The following TAL1 variants were observed in gnomAD, a reference collection of about 807,000 sequenced individuals.
TAL1 encodes T-cell acute lymphocytic leukemia protein 1.
A neutral mutation model predicts 17.9 loss-of-function variants in TAL1; 8 were observed. That is an observed-to-expected ratio of 0.45 (90% confidence interval 0.26 to 0.81). TAL1 has a LOEUF of 0.81. Ranked by LOEUF, TAL1 falls within the 30% of genes least tolerant of loss-of-function variation. The probability of loss-of-function intolerance (pLI) is 0.17; values close to 1 mark genes in which losing one functional copy is unlikely to be tolerated. For synonymous variants in TAL1, 223 were observed against 218.6 expected (o/e 1.02, Z -0.18); for missense variants, 466 against 486.9 (o/e 0.96, Z 0.40).
At chr1:47,228,699 C>T (rs1239823647) in intron 1 of TAL1, 1 of 167,474 alleles carries the variant, frequency 6.0e-6, no homozygotes, top group Non-Finnish European at 1.3e-5. Flanking sequence ...AGCCCCAAGC[C>T]TGCACAAGTA....
Position 47,217,944 on chromosome 1 carries a change from T to C in TAL1, c.*1776A>G, listed in dbSNP as rs147989238. On this transcript the variant is annotated 3_prime_UTR_variant, in exon 4 of 4. Transcript: ENST00000294339. The stretch of plus-strand genomic sequence containing the variant: ...CCTGAAATTGAATGGAGAGCCTGAG[T>C]GCTACAAAGGTGAACAATGTTGCCC... 2.4e-3 allele frequency: 955 copies of C among 395,466 alleles called. 7 individuals are homozygous for C. Among genetic ancestry groups the C allele is most frequent in the African/African-American group, 0.018 (874 of 48,684 alleles). The allele number at this position is 395,466 out of a possible 1,614,324, so 24.5% of individuals were successfully genotyped here.
At chr1:47,226,062 G>C (rs2148592407) in intron 1 of TAL1, 173 bp from the exon 3 acceptor site, 1 of 497,954 alleles carries the variant, frequency 2.0e-6, no homozygotes. Flanking sequence ...GCCGGTTGGG[G>C]CTAGGGTGGG....
At position 47,225,586 on chromosome 1, in the gene TAL1, C is replaced by T. The variant is rs535282839; in HGVS notation, c.303G>A (p.Pro101=). 106 of 1,287,264 alleles carry T rather than the reference C, an allele frequency of 8.2e-5. 1 individual carries two copies. The South Asian group carries it at 1.9e-3, about 23-fold the overall frequency. 79.7% of individuals were successfully genotyped at this position (1,287,264 alleles called of 1,614,324 possible). A position where few individuals can be genotyped will look rare whatever the true frequency, so the allele number is the denominator to read the frequency against. Residue 101 remains proline, a synonymous_variant, in exon 2 of 4, where the codon CCG becomes CCA. Transcript: ENST00000294339. ...CTGTAACCGAGGCGGGCGCGGGGGC[C>T]GGGGCGGGCCCGGGAGGTCTGCACA...
exon 4 of TAL1, chr1:47,216,626 C>T (rs759025161): frequency 9.9e-5 from 23 of 231,356 alleles, no homozygotes; most frequent in Non-Finnish European, 1.5e-4. Flanking sequence ...CCCAAAAGGC[C>T]GAAATAGTTG....
intron 2 of TAL1, among the ~76,000 whole-genome samples, chr1:47,224,480 A>C (rs1643878610): frequency 1.3e-5 from 2 of 152,048 alleles, no homozygotes; most frequent in Middle Eastern, 3.4e-3. Context: ...CAAGCACATA[A>C]TCCACACACA....
intron 3 of TAL1, among the ~76,000 whole-genome samples, chr1:47,222,784 C>T (rs888917839): frequency 1.3e-5 from 2 of 152,020 alleles, no homozygotes; most frequent in Non-Finnish European, 2.9e-5. Flanking sequence ...ATATTGCCAA[C>T]ACTTATGGAT....
chr1:47,219,220 A>G, exon 4 of TAL1: 1 of 442,520 alleles, frequency 2.3e-6, no homozygotes, highest in South Asian at 2.1e-5. Context: ...GGATGGATCA[A>G]CATAGGCCTG....
exon 4 of TAL1, chr1:47,217,776 A>G: frequency 2.5e-6 from 1 of 398,560 alleles, no homozygotes. Context: ...CTCATTCCTA[A>G]CTCAAGCGAA....
chr1:47,224,179 T>C, intron 2 of TAL1, 81 bp from the exon 4 acceptor site: 29 of 1,404,620 alleles, frequency 2.1e-5, no homozygotes, highest in Non-Finnish European at 2.9e-5. Context: ...CCTCCCCACA[T>C]GTCTTGAGCC....
exon 2 of TAL1, chr1:47,225,448 G>A: frequency 8.1e-7 from 1 of 1,231,478 alleles, no homozygotes; most frequent in South Asian, 4.1e-5. Context: ...CTGACCTGCC[G>A]AGAGAGGCCA....
chr1:47,225,806 G>A, exon 2 of TAL1: 1 of 1,573,332 alleles, frequency 6.4e-7, no homozygotes, highest in Non-Finnish European at 8.6e-7. Flanking sequence ...CAGGTGCGGG[G>A]GGGCCATGCT....
chr1:47,226,018 A>G, intron 1 of TAL1, 129 bp from the exon 3 acceptor site: 1 of 1,019,726 alleles, frequency 9.8e-7, no homozygotes, highest in Non-Finnish European at 1.3e-6. Context: ...GAAGAGGCAG[A>G]CAAAGTTAGC....
rs376387584 is a variant in TAL1, at chr1:47,221,424, A to T, written c.542-1250T>A. Among the ~76,000 whole-genome samples the T allele has an allele frequency of 7.2e-5, 11 of 152,332 alleles. No individual in the cohort carries two copies. The East Asian group carries it at 1.9e-3, about 27-fold the overall frequency. The stretch of plus-strand genomic sequence containing the variant: ...ATGGAGCAGTGGCAGATACCAGCAC[A>T]CATGTCTAGGGCACTTATGGTGTGC... On this transcript the variant is annotated intron_variant, in intron 3 of 3. Transcript: ENST00000294339.
intron 3 of TAL1, 104 bp downstream of exon 4, chr1:47,223,900 C>T: frequency 8.6e-7 from 1 of 1,161,664 alleles, no homozygotes; most frequent in South Asian, 1.3e-5. Flanking sequence ...AGTGGCCCGC[C>T]CATCTTTGTG....
chr1:47,219,755 T>C, exon 4 of TAL1: 1 of 1,611,154 alleles, frequency 6.2e-7, no homozygotes, highest in Middle Eastern at 1.6e-4. Context: ...GCAGGCAGCA[T>C]GGCAGGATGG....
At position 47,221,133 on chromosome 1, in the gene TAL1, C is replaced by G. The variant is rs144182990; in HGVS notation, c.542-959G>C. 4.9e-3 allele frequency among the ~76,000 whole-genome samples: 746 copies of G among 152,248 alleles called. 4 individuals carry two copies. The highest frequency in any genetic ancestry group is 0.017 in the African/African-American group (695 of 41,522). ...TTGCAGTAAGGCGGGGGGACTTTATCCTAAGGGTGATGGAAAGCACAGAGT... is the reference window on the plus strand; with the variant it reads ...TTGCAGTAAGGCGGGGGGACTTTATGCTAAGGGTGATGGAAAGCACAGAGT... On this transcript the variant is annotated intron_variant, in intron 3 of 3. Transcript: ENST00000294339.
intron 3 of TAL1, among the ~76,000 whole-genome samples, chr1:47,222,116 A>C (rs1307713521): frequency 6.6e-6 from 1 of 152,234 alleles, no homozygotes; most frequent in Admixed American, 6.5e-5. Flanking sequence ...AGCATCCCTC[A>C]GCAGTGACAT....
chr1:47,220,659 T>C (rs1477717937), intron 3 of TAL1, among the ~76,000 whole-genome samples: 1 of 152,240 alleles, frequency 6.6e-6, no homozygotes, highest in African/African-American at 2.4e-5. Flanking sequence ...TACTAAGTCA[T>C]GAGTTGTTAC....
Position 47,222,833 on chromosome 1 carries a change from C to T in TAL1, c.541+1171G>A, listed in dbSNP as rs893709201. Among the ~76,000 whole-genome samples the T allele has an allele frequency of 7.2e-5, 11 of 152,162 alleles. No individual in the cohort carries two copies. The South Asian group carries it at 1.4e-3, about 20-fold the overall frequency. ...CACTCCTGCACACCCCACAAACCCT[C>T]GCCCCTATGCTCTGCCTCTTCTGCC... On this transcript the variant is annotated intron_variant, in intron 3 of 3. Coordinates refer to ENST00000294339, the Ensembl canonical transcript of TAL1.
Sources: gnomAD v4.1 joint callset for allele counts (sites outside exome capture counted in the v4.1 genomes callset) on GRCh38, gnomAD v4.1.1 for gene constraint, MANE v1.5 for transcripts, NCBI Gene and HGNC (gene_info 2026-07-23, HGNC 2026-07-21) for gene names.